The following NYAP2 variants were observed in gnomAD, a reference collection of about 807,000 sequenced individuals.
NYAP2 encodes neuronal tyrosine-phosphorylated phosphoinositide-3-kinase adaptor 2.
NYAP2 carries 23 observed loss-of-function variants against 50.4 expected under a neutral mutation model. That is an observed-to-expected ratio of 0.46 (90% CI 0.33 to 0.65). The LOEUF is 0.65. Ranked by LOEUF, NYAP2 falls within the 30% of genes least tolerant of loss-of-function variation. NYAP2 has a pLI of 0.02. For synonymous variants in NYAP2, 394 were observed against 365.2 expected (o/e 1.08, Z -0.90); for missense variants, 885 against 861.0 (o/e 1.03, Z -0.35).
In NYAP2 at chr2:225,626,897, T is replaced by G; in HGVS notation, c.1619-20T>G. 2 of 1,522,420 alleles carry G rather than the reference T, an allele frequency of 1.3e-6. No individual in the cohort carries two copies. Among genetic ancestry groups the G allele is most frequent in the Non-Finnish European group, 1.8e-6 (2 of 1,118,628 alleles). The allele number at this position is 1,522,420 out of a possible 1,614,324, so 94.3% of individuals were successfully genotyped here. Reference sequence around the variant, plus strand: ...AACTTTACTCTTGTTTAACAGAATGTAATTCTGGTTACTACACAGAATCAA... The same window carrying G: ...AACTTTACTCTTGTTTAACAGAATGGAATTCTGGTTACTACACAGAATCAA... On this transcript the variant is annotated intron_variant, in intron 5 of 6. Coordinates refer to ENST00000636099, the Ensembl canonical transcript of NYAP2.
chr2:225,644,044 G>C (rs1421458950), intron 6 of NYAP2, among the ~76,000 whole-genome samples: 2 of 148,644 alleles, frequency 1.3e-5, no homozygotes, highest in Non-Finnish European at 1.5e-5. Flanking sequence ...GGTTGAACTA[G>C]TTTACAGTCC....
Position 225,421,273 on chromosome 2 carries a change from T to C in NYAP2, c.221+12172T>C, listed in dbSNP as rs569678951. 2.8e-4 allele frequency among the ~76,000 whole-genome samples: 42 copies of C among 152,310 alleles called. 1 individual carries two copies. Among genetic ancestry groups the C allele is most frequent in the African/African-American group, 9.6e-4 (40 of 41,570 alleles). On this transcript the variant is annotated intron_variant, in intron 3 of 6. Coordinates refer to ENST00000636099, the Ensembl canonical transcript of NYAP2. ...CTGTCACATATAATTTTAAAAATTA[T>C]TTAGAAGCCTGTTAGTATACACAAT...
intron 5 of NYAP2, among the ~76,000 whole-genome samples, chr2:225,613,902 C>A (rs764555750): frequency 6.6e-6 from 1 of 152,040 alleles, no homozygotes; most frequent in African/African-American, 2.4e-5. Context: ...ATAAAAAGAA[C>A]GTAGACACTC....
downstream of NYAP2, among the ~76,000 whole-genome samples, chr2:225,656,722 G>A (rs1206678677): frequency 1.3e-5 from 2 of 152,176 alleles, no homozygotes; most frequent in South Asian, 2.1e-4. Context: ...TGTGGGGTCA[G>A]TACATGTGAA....
At chr2:225,509,056 C>T (rs538232931) in intron 3 of NYAP2, among the ~76,000 whole-genome samples, 1 of 152,262 alleles carries the variant, frequency 6.6e-6, no homozygotes, top group South Asian at 2.1e-4. Context: ...CTCATCACCG[C>T]AGTTTGTATG....
intron 3 of NYAP2, among the ~76,000 whole-genome samples, chr2:225,458,010 T>A (rs940617839): frequency 1.3e-5 from 2 of 152,106 alleles, no homozygotes; most frequent in Admixed American, 1.3e-4. Context: ...ATCTCCTTAT[T>A]CTTTAGTTAC....
At chr2:225,701,331 A>G in the NYAP2 span, 1 of 151,958 alleles carries the variant, frequency 6.6e-6, no homozygotes, top group East Asian at 1.9e-4. Context: ...TATTTCTAGC[A>G]GTGCCAAAGA....
chr2:225,638,798 T>A (rs1693473811), intron 6 of NYAP2, among the ~76,000 whole-genome samples: 1 of 152,188 alleles, frequency 6.6e-6, no homozygotes, highest in Admixed American at 6.5e-5. Flanking sequence ...CCATCTCTCC[T>A]GCTCTCTCCT....
chr2:225,517,903 A>C (rs1362380006), intron 4 of NYAP2, among the ~76,000 whole-genome samples: 1 of 152,204 alleles, frequency 6.6e-6, no homozygotes, highest in Non-Finnish European at 1.5e-5. Context: ...TAAGATAGCC[A>C]TTAAGGAATA....
At position 225,497,354 on chromosome 2, in the gene NYAP2, A is replaced by G. The variant is rs1441982755; in HGVS notation, c.222-16017A>G. Among the ~76,000 whole-genome samples the G allele has an allele frequency of 2.6e-5, 4 of 152,180 alleles. No individual in the cohort carries two copies. In the East Asian group the frequency reaches 5.8e-4, roughly 22 times the overall value. ...GTAACTAATGCATCCACGCATAAGT[A>G]TTTGGCTCTTAAGTAGCGTCTTTAG... is the stretch of plus-strand genomic sequence containing the variant. On this transcript the variant is annotated intron_variant, in intron 3 of 6. Transcript: ENST00000636099.
At chr2:225,511,373 C>CAGAGAG (rs67828728) in intron 3 of NYAP2, among the ~76,000 whole-genome samples, 209 of 117,804 alleles carry the variant, frequency 1.8e-3, no homozygotes, top group South Asian at 5.6e-3. Context: ...CACACACACA[C>CAGAGAG]AGAGAGAGAG....
chr2:225,415,638 C>T (rs751644298), intron 3 of NYAP2, among the ~76,000 whole-genome samples: 6 of 151,932 alleles, frequency 3.9e-5, no homozygotes, highest in Non-Finnish European at 7.4e-5. Context: ...ATTTTTGTCA[C>T]GAATAGCTAA....
chr2:225,461,758 TTCTG>T (rs778376102), intron 3 of NYAP2, among the ~76,000 whole-genome samples: 4 of 152,230 alleles, frequency 2.6e-5, no homozygotes, highest in Non-Finnish European at 2.9e-5. Flanking sequence ...CCAGTCCTCA[TTCTG>T]TCTGTTAAAC....
intron 4 of NYAP2, among the ~76,000 whole-genome samples, chr2:225,523,541 A>G (rs1255074531): frequency 6.6e-6 from 1 of 152,184 alleles, no homozygotes; most frequent in Non-Finnish European, 1.5e-5. Context: ...GGACAACTAC[A>G]AAATACTGAT....
At chr2:225,526,073 T>G (rs1272696626) in intron 4 of NYAP2, among the ~76,000 whole-genome samples, 1 of 152,188 alleles carries the variant, frequency 6.6e-6, no homozygotes, top group African/African-American at 2.4e-5. Flanking sequence ...GATTTTTCCC[T>G]GGAACCTCCA....
At chr2:225,649,313 C>T (rs1164704459) in intron 6 of NYAP2, among the ~76,000 whole-genome samples, 4 of 152,146 alleles carry the variant, frequency 2.6e-5, no homozygotes, top group Non-Finnish European at 5.9e-5. Flanking sequence ...ATGCTTTTGA[C>T]TTCTGGATCG....
At chr2:225,624,905 C>T (rs1693182770) in intron 5 of NYAP2, among the ~76,000 whole-genome samples, 1 of 151,918 alleles carries the variant, frequency 6.6e-6, no homozygotes, top group Admixed American at 6.5e-5. Context: ...GCTGAGGCCT[C>T]TGAGATTCCT....
intron 4 of NYAP2, among the ~76,000 whole-genome samples, chr2:225,562,105 A>G (rs561051828): frequency 6.6e-6 from 1 of 152,224 alleles, no homozygotes; most frequent in African/African-American, 2.4e-5. Context: ...TGCTTTTCCT[A>G]CTTGTTTTGT....
At chr2:225,620,366 C>T (rs886671270) in intron 5 of NYAP2, among the ~76,000 whole-genome samples, 1 of 152,026 alleles carries the variant, frequency 6.6e-6, no homozygotes, top group African/African-American at 2.4e-5. Flanking sequence ...TGAATACATA[C>T]ACACACACAG....
Sources: allele counts gnomAD v4.1 joint callset (sites outside exome capture counted in the v4.1 genomes callset), GRCh38; gene constraint gnomAD v4.1.1; transcripts MANE v1.5; gene names NCBI Gene and HGNC (gene_info 2026-07-23, HGNC 2026-07-21).